Variants in ZNF497 observed in about 807,000 individuals in gnomAD.
ZNF497 encodes the protein zinc finger-like protein.
For missense variants in ZNF497, 930 were observed against 714.0 expected (o/e 1.30, Z -3.45); for synonymous variants, 422 against 313.7 (o/e 1.35, Z -3.65).
At chr19:58,357,947 C>G in intron 2 of ZNF497, 1 of 1,317,198 alleles carries the variant, frequency 7.6e-7, no homozygotes, top group South Asian at 1.7e-5. Context: ...AAGTTGCCCA[C>G]GCACCTGCAC....
chr19:58,359,373 C>T (rs918983134), intron 1 of ZNF497: 1 of 744,692 alleles, frequency 1.3e-6, no homozygotes, highest in East Asian at 6.4e-5. Flanking sequence ...ACGAAGGTCC[C>T]CTCCTTGGGA....
In ZNF497 at chr19:58,356,603, G is replaced by A. The variant is rs1238684098; in HGVS notation, c.1033C>T (p.Leu345=). ...GTGTGCACGCGCCGGTGCTCCGCCA[G>A]GTAGGAGCCCATGACGAAAGCCTGG... The part of the protein sequence containing the change: ...CGQAFVMGSY[L]AEHRRVHTGE... The change falls in exon 3 of 3, where the codon CTG becomes TTG. Residue 345 remains leucine (L), a synonymous_variant. Coordinates refer to ENST00000311044, the MANE Select transcript of ZNF497 (RefSeq NM_198458.3). The A allele has an allele frequency of 2.6e-6, 4 of 1,538,392 alleles. No homozygotes were observed. Among genetic ancestry groups the A allele is most frequent in the Admixed American group, 3.9e-5 (2 of 50,842 alleles).
chr19:58,356,050 G>A lies in ZNF497; in HGVS notation c.*89C>T, dbSNP rs1002562361. The A allele has an allele frequency of 9.2e-6, 13 of 1,409,824 alleles. No individual in the cohort carries two copies. The highest frequency in any genetic ancestry group is 3.0e-5 in the South Asian group (2 of 67,004). The allele number at this position is 1,409,824 out of a possible 1,614,324, so 87.3% of individuals were successfully genotyped here. ...AGGAGGGCGCCCGCACCGGCGGCCC[G>A]AAAAAGTCTGGGCCAGCAGACAGCG... On this transcript the variant is annotated 3_prime_UTR_variant, in exon 3 of 3. Transcript: ENST00000311044.
chr19:58,356,028 AG>A lies in ZNF497; in HGVS notation c.*110del. On this transcript the variant is annotated 3_prime_UTR_variant, in exon 3 of 3. Coordinates refer to ENST00000311044, the MANE Select transcript of ZNF497 (RefSeq NM_198458.3). ...AGGCCGCCCCTGCACTCCCAGCAGG[AG>A]GGCGCCCGCACCGGCGGCCCGAAAA... 2 of 1,273,612 alleles carry A rather than the reference AG, an allele frequency of 1.6e-6. No individual in the cohort carries two copies. The highest frequency in any genetic ancestry group is 2.1e-6 in the Non-Finnish European group (2 of 956,242). The allele number at this position is 1,273,612 out of a possible 1,614,324, so 78.9% of individuals were successfully genotyped here.
At position 58,357,051 on chromosome 19, in the gene ZNF497, G is replaced by A; in HGVS notation, c.585C>T (p.Cys195=). ...SGLKPFRCPD[C]GKSFGRSTTL... is the part of the protein sequence containing the mutation. The stretch of plus-strand genomic sequence containing the variant: ...TGGTGCTTCGGCCGAAGGACTTGCC[G>A]CAGTCCGGGCAGCGGAAGGGCTTCA... The change falls in exon 3 of 3, where the codon TGC becomes TGT. Residue 195 remains cysteine (C), a synonymous_variant. Coordinates refer to ENST00000311044, the MANE Select transcript of ZNF497 (RefSeq NM_198458.3). 1 of 1,610,168 alleles carries A rather than the reference G, an allele frequency of 6.2e-7. No homozygotes were observed. Among genetic ancestry groups the A allele is most frequent in the Non-Finnish European group, 8.5e-7 (1 of 1,178,766 alleles).
At position 58,356,704 on chromosome 19, in the gene ZNF497, A is replaced by G; in HGVS notation, c.932T>C (p.Phe311Ser). Residue 311 changes from phenylalanine (F) to serine (S), a missense_variant, in exon 3 of 3, where the codon TTC becomes TCC. Physicochemically the swap from Phe to Ser is radical, Grantham distance 155 (BLOSUM62 -2). Transcript: ENST00000311044. ...CTGCAGGAGCTGCGAGCTCTCGCGG[A>G]AAGCCTTTCCGCACTCGGCGCAGGG... ...PFPCAECGKA[F>S]RESSQLLQHQ... is the part of the protein sequence containing the mutation. 1 of 1,566,360 alleles carries G rather than the reference A, an allele frequency of 6.4e-7. No homozygotes were observed. The highest frequency in any genetic ancestry group is 1.2e-5 in the South Asian group (1 of 86,944).
rs2052008115 is a variant in ZNF497 at position 58,355,549 on chromosome 19, A to C, written c.*590T>G. On this transcript the variant is annotated 3_prime_UTR_variant, in exon 3 of 3. Transcript: ENST00000311044. ...GAAAAGTCCCATGAAACAGACCTAC[A>C]CAGGTGAGATTCTGAGATTGATCTG... The C allele has an allele frequency of 6.6e-6, 1 of 152,400 alleles. No homozygotes were observed. The highest frequency in any genetic ancestry group is 2.4e-5 in the African/African-American group (1 of 41,428). The allele number at this position is 152,400 out of a possible 1,614,324, so 9.4% of individuals were successfully genotyped here.
chr19:58,356,711 T>C lies in ZNF497; in HGVS notation c.925A>G (p.Lys309Glu). ...AGCTGCGAGCTCTCGCGGAAAGCCT[T>C]TCCGCACTCGGCGCAGGGGAAGGGC... ...EKPFPCAECG[K>E]AFRESSQLLQ... Residue 309 changes from lysine to glutamate, a missense_variant, in exon 3 of 3, where the codon AAG (lysine) becomes GAG (glutamate). Physicochemically the swap from Lys to Glu is moderately conservative, Grantham distance 56. Transcript: ENST00000311044. The C allele has an allele frequency of 6.4e-7, 1 of 1,568,250 alleles. No homozygotes were observed.
chr19:58,356,981 C>G lies in ZNF497; in HGVS notation c.655G>C (p.Glu219Gln), dbSNP rs780641443. Residue 219 changes from glutamate (E) to glutamine (Q), a missense_variant, in exon 3 of 3, where the codon GAG becomes CAG. Coordinates refer to ENST00000311044, the MANE Select transcript of ZNF497 (RefSeq NM_198458.3). ...RRTHTGEKPY[E>Q]CPECGKAFSW... ...AAGGCCTTGCCGCACTCCGGGCACT[C>G]GTAGGGCTTCTCGCCCGTGTGCGTG... is the stretch of plus-strand genomic sequence containing the variant. 1.0e-5 allele frequency: 16 copies of G among 1,599,858 alleles called. No individual in the cohort carries two copies. Among genetic ancestry groups the G allele is most frequent in the Non-Finnish European group, 1.0e-5 (12 of 1,176,104 alleles).
chr19:58,359,908 G>A lies in ZNF497; in HGVS notation c.-111-1323C>T, dbSNP rs183893882. On this transcript the variant is annotated intron_variant, in intron 1 of 2. Coordinates refer to ENST00000311044, the MANE Select transcript of ZNF497 (RefSeq NM_198458.3). ...AACTGCTTGAACCCGGGAGGTGGAG[G>A]TTGCAGTGAGCCGAGATCGCGCCAC... Among the ~76,000 whole-genome samples the A allele has an allele frequency of 5.0e-3, 760 of 151,998 alleles. 4 individuals are homozygous for A. The highest frequency in any genetic ancestry group is 0.017 in the African/African-American group (686 of 41,440).
rs774134526 is a variant in ZNF497 at position 58,357,129 on chromosome 19, C to T, written c.507G>A (p.Lys169=). The T allele has an allele frequency of 1.8e-5, 29 of 1,601,842 alleles. No homozygotes were observed. Among genetic ancestry groups the T allele is most frequent in the Non-Finnish European group, 2.3e-5 (27 of 1,171,624 alleles). ...TGAGCTGCGAGTGCGCGCGGAAGGCCTTGCCGCACTCCCTGCAAGCGTAGG... is the reference window on the plus strand; with the variant it reads ...TGAGCTGCGAGTGCGCGCGGAAGGCTTTGCCGCACTCCCTGCAAGCGTAGG... ...EKPYACRECG[K]AFRAHSQLIH... Residue 169 remains lysine, a synonymous_variant, in exon 3 of 3, where the codon AAG becomes AAA. Transcript: ENST00000311044.
rs780195573 is a variant in ZNF497 at position 58,356,211 on chromosome 19, GC to G, written c.1424del (p.Cys475SerfsTer30). 3 of 1,601,294 alleles carry G rather than the reference GC, an allele frequency of 1.9e-6. No individual in the cohort carries two copies. In the South Asian group the frequency reaches 3.3e-5, roughly 18 times the overall value. ...TGERPYACGE[C>X]GKPFSHRCNL... ...TGCAACGGTGGCTGAAAGGCTTCCC[GC>G]ACTCGCCGCAAGCGTAGGGCCTCTC... On this transcript the variant is annotated frameshift_variant, in exon 3 of 3. Transcript: ENST00000311044.
chr19:58,356,243 T>C lies in ZNF497; in HGVS notation c.1393A>G (p.Thr465Ala), dbSNP rs1267265686. ...SELLSHRRTH[T>A]GERPYACGEC... Reference sequence around the variant, plus strand: ...CCGCAAGCGTAGGGCCTCTCGCCCGTGTGCGTGCGCCGGTGGCTTAAGAGC... The same window carrying C: ...CCGCAAGCGTAGGGCCTCTCGCCCGCGTGCGTGCGCCGGTGGCTTAAGAGC... The change falls in exon 3 of 3, where the codon ACG becomes GCG. Residue 465 changes from threonine to alanine, a missense_variant. By Grantham distance (58) the Thr-to-Ala change is moderately conservative (BLOSUM62 0). Transcript: ENST00000311044. 3.1e-6 allele frequency: 5 copies of C among 1,606,612 alleles called. No homozygotes were observed. The highest frequency in any genetic ancestry group is 4.2e-6 in the Non-Finnish European group (5 of 1,177,268).
rs1239953437 is a variant in ZNF497 at position 58,357,747 on chromosome 19, C to CA, written c.-14-99dup. ...CGACGGTGGGTGGGCTGTCATCCCC[C>CA]ACTCTTCTCCTCCAGGTCCCTGGAT... On this transcript the variant is annotated intron_variant, in intron 2 of 2. Coordinates refer to ENST00000311044, the MANE Select transcript of ZNF497 (RefSeq NM_198458.3). 1.2e-5 allele frequency: 16 copies of CA among 1,285,646 alleles called. 1 individual carries two copies. The Middle Eastern group carries it at 7.8e-4, about 62-fold the overall frequency. The allele number at this position is 1,285,646 out of a possible 1,614,324, so 79.6% of individuals were successfully genotyped here.
rs1291583278 is a variant in ZNF497, at chr19:58,354,417, A to C, written c.*1722T>G. 2 of 152,402 alleles carry C rather than the reference A, an allele frequency of 1.3e-5. No homozygotes were observed. Among genetic ancestry groups the C allele is most frequent in the Non-Finnish European group, 2.9e-5 (2 of 68,152 alleles). The allele number at this position is 152,402 out of a possible 1,614,324, so 9.4% of individuals were successfully genotyped here. ...TGCCAGATGCAAAGAAGACAGTGGGATAACTGGGCAAGGAGCATTCCAGGC... is the reference window on the plus strand; with the variant it reads ...TGCCAGATGCAAAGAAGACAGTGGGCTAACTGGGCAAGGAGCATTCCAGGC... On this transcript the variant is annotated 3_prime_UTR_variant, in exon 3 of 3. Transcript: ENST00000311044.
In ZNF497 at chr19:58,356,725, C is replaced by G; in HGVS notation, c.911G>C (p.Cys304Ser). The change falls in exon 3 of 3, where the codon TGC (cysteine) becomes TCC (serine). Residue 304 changes from cysteine to serine, a missense_variant. Coordinates refer to ENST00000311044, the MANE Select transcript of ZNF497 (RefSeq NM_198458.3). The stretch of plus-strand genomic sequence containing the variant: ...GCGGAAAGCCTTTCCGCACTCGGCG[C>G]AGGGGAAGGGCTTCTCGCTGCTGTG... ...RTHSSEKPFP[C>S]AECGKAFRES... is the part of the protein sequence containing the mutation. 1.9e-6 allele frequency: 3 copies of G among 1,571,872 alleles called. No individual in the cohort carries two copies. The highest frequency in any genetic ancestry group is 8.6e-7 in the Non-Finnish European group (1 of 1,165,510).
chr19:58,360,217 A>G (rs980495824), intron 1 of ZNF497, among the ~76,000 whole-genome samples: 2 of 152,180 alleles, frequency 1.3e-5, no homozygotes. Context: ...ATATTCTGGA[A>G]TTAGTGGTGA....
chr19:58,357,277 TAA>T lies in ZNF497; in HGVS notation c.357_358del (p.Tyr120LeufsTer207). ...GTGCACGCGCCGATGCTGCAGCAAG[TAA>T]GAGCCCTGGCTGAACGCCTTGCCGC... is the stretch of plus-strand genomic sequence containing the variant. On this transcript the variant is annotated frameshift_variant, in exon 3 of 3. Coordinates refer to ENST00000311044, the MANE Select transcript of ZNF497 (RefSeq NM_198458.3). The T allele has an allele frequency of 6.2e-7, 1 of 1,612,584 alleles. No homozygotes were observed. The highest frequency in any genetic ancestry group is 8.5e-7 in the Non-Finnish European group (1 of 1,179,608).
intron 1 of ZNF497, chr19:58,359,716 G>A: frequency 3.3e-6 from 1 of 304,530 alleles, no homozygotes; most frequent in Non-Finnish European, 6.5e-6. Context: ...GCTGACGGCT[G>A]TAGTCCTAGC....
Sources: allele counts gnomAD v4.1 joint callset (sites outside exome capture counted in the v4.1 genomes callset), GRCh38; gene constraint gnomAD v4.1.1; transcripts MANE v1.5; gene names NCBI Gene and HGNC (gene_info 2026-07-23, HGNC 2026-07-21).